Variants in SP3 observed in about 807,000 individuals in gnomAD.
The protein encoded by SP3 is Sp3 transcription factor.
Under a neutral mutation model 70.3 loss-of-function variants are expected in SP3, and 10 were observed. The ratio of observed to expected loss-of-function variants is 0.14; its 90% CI spans 0.09 to 0.24. SP3 has a LOEUF of 0.24. Among genes scored for constraint, SP3 ranks in the 10% least tolerant of loss-of-function variants. The pLI is 1.00. For synonymous variants in SP3, 402 were observed against 333.5 expected (o/e 1.21, Z -2.24); for missense variants, 825 against 914.6 (o/e 0.90, Z 1.26).
At chr2:173,959,526 GACCCGTCTGACCAACATGATGAA>G (rs1489961839) in intron 3 of SP3, among the ~76,000 whole-genome samples, 1 of 152,096 alleles carries the variant, frequency 6.6e-6, no homozygotes, top group Non-Finnish European at 1.5e-5. Context: ...AGGAGTTTGA[GACCCGTCTGACCAACATGATGAA>G]ACCCCGCCTC....
At position 173,963,749 on chromosome 2, in the gene SP3, C is replaced by T; in HGVS notation, c.279+12G>A. 1 of 1,080,538 alleles carries T rather than the reference C, an allele frequency of 9.3e-7. No homozygotes were observed. The highest frequency in any genetic ancestry group is 1.1e-6 in the Non-Finnish European group (1 of 879,296). 66.9% of individuals were successfully genotyped at this position (1,080,538 alleles called of 1,614,324 possible). A position where few individuals can be genotyped will look rare whatever the true frequency, so the allele number is the denominator to read the frequency against. On this transcript the variant is annotated intron_variant, in intron 3 of 6. Coordinates refer to ENST00000310015, the MANE Select transcript of SP3 (RefSeq NM_003111.5). ...CCGGCCTCGGCGGGGGCGGGCCGCG[C>T]GCGGGACTTACCGCTCCGGCGGCGG...
intron 4 of SP3, among the ~76,000 whole-genome samples, chr2:173,947,092 G>A (rs1255472889): frequency 2.6e-5 from 4 of 152,120 alleles, no homozygotes; most frequent in Non-Finnish European, 5.9e-5. Context: ...TAACATCTCT[G>A]TAATGTCTGT....
intron 4 of SP3, among the ~76,000 whole-genome samples, chr2:173,946,845 C>A (rs1041959309): frequency 6.6e-6 from 1 of 151,602 alleles, no homozygotes; most frequent in Non-Finnish European, 1.5e-5. Context: ...ACTTAGCCTC[C>A]CCAGTAGCTG....
intron 4 of SP3, among the ~76,000 whole-genome samples, chr2:173,933,236 A>C (rs1236213994): frequency 1.6e-5 from 2 of 124,156 alleles, no homozygotes; most frequent in African/African-American, 5.6e-5. Context: ...CAAATTATTC[A>C]TGAAATGTTT....
At position 173,943,032 on chromosome 2, in the gene SP3, T is replaced by C. The variant is rs190158014; in HGVS notation, c.1639+11841A>G. On this transcript the variant is annotated intron_variant, in intron 4 of 6. Transcript: ENST00000310015. Reference sequence around the variant, plus strand: ...CAAGAGACTAGAGCATCTGGGGATTTTGATATTCTAGGGGGTGTAGGGAGT... The same window carrying C: ...CAAGAGACTAGAGCATCTGGGGATTCTGATATTCTAGGGGGTGTAGGGAGT... Among the ~76,000 whole-genome samples the C allele has an allele frequency of 9.2e-5, 14 of 152,242 alleles. No homozygotes were observed. The East Asian group carries it at 2.5e-3, about 27-fold the overall frequency.
rs61755318 is a variant in SP3, at chr2:173,955,479, T to C, written c.1033A>G (p.Ser345Gly). Residue 345 changes from serine to glycine, a missense_variant, in exon 4 of 7, where the codon AGT (serine) becomes GGT (glycine). Ser to Gly is a moderately conservative substitution (Grantham distance 56). Around this residue, in one of 4 missense-constraint regions of SP3, gnomAD observed 678 missense variants for 651.6 expected, o/e 1.04. Coordinates refer to ENST00000310015, the MANE Select transcript of SP3 (RefSeq NM_003111.5). ...GTGTTTTGTTGTAATATACCTGTAC[T>C]ATCTATCGTAACAGGCAACTGTGAT... ...SSSQLPVTID[S>G]TGILQQNTNS... 1.5e-3 allele frequency: 2,464 copies of C among 1,614,202 alleles called. 1 individual carries two copies. Among genetic ancestry groups the C allele is most frequent in the Non-Finnish European group, 1.9e-3 (2,197 of 1,180,030 alleles).
At chr2:173,915,834 CTAAA>C (rs1252599203) in intron 5 of SP3, 1 of 151,972 alleles carries the variant, frequency 6.6e-6, no homozygotes, top group African/African-American at 2.4e-5. Context: ...TAAATATTTG[CTAAA>C]TAATTACAAC....
chr2:173,912,204 AAACTATTAG>A (rs1689505899), intron 6 of SP3, among the ~76,000 whole-genome samples: 1 of 152,222 alleles, frequency 6.6e-6, no homozygotes, highest in South Asian at 2.1e-4. Flanking sequence ...ACAGGAACTA[AAACTATTAG>A]AGCATCTGTA....
chr2:173,928,552 A>G (rs1227258388), intron 4 of SP3, among the ~76,000 whole-genome samples: 1 of 152,166 alleles, frequency 6.6e-6, no homozygotes, highest in African/African-American at 2.4e-5. Flanking sequence ...ATTCCGTTCC[A>G]ACACTTTCTG....
At position 173,910,115 on chromosome 2, in the gene SP3, A is replaced by C; in HGVS notation, c.2172T>G (p.Asp724Glu). The C allele has an allele frequency of 3.7e-6, 6 of 1,612,414 alleles. No individual in the cohort carries two copies. The highest frequency in any genetic ancestry group is 5.1e-6 in the Non-Finnish European group (6 of 1,178,696). Residue 724 changes from aspartate (D) to glutamate (E), a missense_variant, in exon 7 of 7, where the codon GAT becomes GAG. Transcript: ENST00000310015. The stretch of plus-strand genomic sequence containing the variant: ...TTCCTCCTGCAGTAATCAAAGTATC[A>C]TCTCGCGCAGCTTCCACAGATGCCA... ...TVLASVEAAR[D>E]DTLITAGGTT...
intron 6 of SP3, among the ~76,000 whole-genome samples, chr2:173,911,812 C>CTTTTT (rs1559088958): frequency 7.8e-5 from 9 of 115,904 alleles, no homozygotes; most frequent in African/African-American, 2.7e-4. Flanking sequence ...CTTTTATCTA[C>CTTTTT]CTTTTTTTTT....
chr2:173,915,205 A>G (rs1190155660), intron 5 of SP3: 4 of 152,202 alleles, frequency 2.6e-5, no homozygotes, highest in Admixed American at 2.6e-4. Context: ...AAGAAATATT[A>G]TTTGAAAATG....
At chr2:173,964,094 C>A in intron 2 of SP3, 1 of 352,524 alleles carries the variant, frequency 2.8e-6, no homozygotes, top group Non-Finnish European at 5.1e-6. Flanking sequence ...CCCGGCTCCC[C>A]GGTCCGCGGG....
At chr2:173,911,812 CCTT>C (rs1445834742) in intron 6 of SP3, among the ~76,000 whole-genome samples, 4 of 115,854 alleles carry the variant, frequency 3.5e-5, no homozygotes, top group Non-Finnish European at 5.4e-5. Context: ...CTTTTATCTA[CCTT>C]TTTTTTTTTT....
chr2:173,964,473 G>C lies in SP3; in HGVS notation c.88C>G (p.His30Asp). The change falls in exon 2 of 7, where the codon CAC becomes GAC. Residue 30 changes from histidine to aspartate, a missense_variant. This residue lies in a region of SP3 where 678 missense variants were observed against 651.6 expected (regional missense o/e 1.04). Coordinates refer to ENST00000310015, the MANE Select transcript of SP3 (RefSeq NM_003111.5). ...SGGGGGGGGG[H>D]GEYLQQQQQH... is the part of the protein sequence containing the mutation. Reference sequence around the variant, plus strand: ...TGCTGCTGCTGCAGATACTCGCCGTGGCCGCCGCCGCCGCCACCGCCGCCG... The same window carrying C: ...TGCTGCTGCTGCAGATACTCGCCGTCGCCGCCGCCGCCGCCACCGCCGCCG... 1 of 707,908 alleles carries C rather than the reference G, an allele frequency of 1.4e-6. No individual in the cohort carries two copies. Among genetic ancestry groups the C allele is most frequent in the South Asian group, 1.5e-5 (1 of 67,230 alleles). The allele number at this position is 707,908 out of a possible 1,614,324, so 43.9% of individuals were successfully genotyped here.
intron 4 of SP3, among the ~76,000 whole-genome samples, chr2:173,952,219 G>A (rs1348926407): frequency 6.6e-6 from 1 of 151,266 alleles, no homozygotes; most frequent in African/African-American, 2.4e-5. Context: ...AGTTCAGCTT[G>A]CAACTCACAG....
Position 173,964,441 on chromosome 2 carries a change from G to GTGCTGT in SP3, c.114_119dup (p.Gln38_Gln39dup), listed in dbSNP as rs777092568. 2.7e-5 allele frequency: 20 copies of GTGCTGT among 733,806 alleles called. No individual in the cohort carries two copies. The highest frequency in any genetic ancestry group is 4.5e-5 in the Non-Finnish European group (18 of 399,318). 45.5% of individuals were successfully genotyped at this position (733,806 alleles called of 1,614,324 possible). ...CTGCCGCCGCCACCGCACCGTTTCCGTGCTGTTGCTGCTGCTGCAGATACT... is the reference window on the plus strand; with the variant it reads ...CTGCCGCCGCCACCGCACCGTTTCCGTGCTGTTGCTGTTGCTGCTGCTGCAGATACT... On this transcript the variant is annotated inframe_insertion, in exon 2 of 7. Coordinates refer to ENST00000310015, the MANE Select transcript of SP3 (RefSeq NM_003111.5).
chr2:173,964,807 C>T (rs1312591021), intron 1 of SP3: 3 of 469,322 alleles, frequency 6.4e-6, no homozygotes, highest in African/African-American at 2.1e-5. Context: ...TGCCCCTGCC[C>T]CCTCTCCTCT....
At chr2:173,953,657 A>T (rs1034440385) in intron 4 of SP3, among the ~76,000 whole-genome samples, 1 of 152,152 alleles carries the variant, frequency 6.6e-6, no homozygotes, top group Admixed American at 6.5e-5. Context: ...AATCCCAGTT[A>T]CTCGAGAGGC....
Sources: allele counts gnomAD v4.1 joint callset (sites outside exome capture counted in the v4.1 genomes callset), GRCh38; gene constraint gnomAD v4.1.1; regional missense constraint gnomAD v4.1.1; transcripts MANE v1.5; gene names NCBI Gene and HGNC (gene_info 2026-07-23, HGNC 2026-07-21).